HS6ST3: variants seen among roughly 807,000 people sequenced by gnomAD.
The protein encoded by HS6ST3 is heparan-sulfate 6-O-sulfotransferase 3.
A neutral mutation model predicts 36.7 loss-of-function variants in HS6ST3; 12 were observed. The observed-to-expected ratio is 0.33, with a 90% CI of 0.21 to 0.53. HS6ST3 has a LOEUF of 0.53. Ranked by LOEUF, HS6ST3 falls within the 20% of genes least tolerant of loss-of-function variation. The probability of loss-of-function intolerance (pLI) is 0.95; values close to 1 mark genes in which losing one functional copy is unlikely to be tolerated. For missense variants in HS6ST3, 584 were observed against 640.9 expected (o/e 0.91, Z 0.96); for synonymous variants, 240 against 257.5 (o/e 0.93, Z 0.65).
At chr13:96,474,739 C>T (rs374549726) in intron 1 of HS6ST3, among the ~76,000 whole-genome samples, 1 of 152,146 alleles carries the variant, frequency 6.6e-6, no homozygotes, top group East Asian at 1.9e-4. Flanking sequence ...CCCAGGGAGG[C>T]TTGTTCAACT....
chr13:96,760,705 G>A (rs1469495730), intron 1 of HS6ST3, among the ~76,000 whole-genome samples: 1 of 152,030 alleles, frequency 6.6e-6, no homozygotes, highest in Non-Finnish European at 1.5e-5. Context: ...TTGCTAGAAG[G>A]AGAATCATCC....
chr13:96,752,286 G>A (rs1244719989), intron 1 of HS6ST3, among the ~76,000 whole-genome samples: 1 of 151,844 alleles, frequency 6.6e-6, no homozygotes, highest in Non-Finnish European at 1.5e-5. Context: ...AGCATTGCTA[G>A]TACTTGCCGT....
At chr13:96,467,875 C>T (rs974612513) in intron 1 of HS6ST3, among the ~76,000 whole-genome samples, 1 of 151,944 alleles carries the variant, frequency 6.6e-6, no homozygotes. Context: ...CTGTTTATAC[C>T]CAGTACACGT....
chr13:96,680,005 G>T (rs1319856499), intron 1 of HS6ST3, among the ~76,000 whole-genome samples: 1 of 152,096 alleles, frequency 6.6e-6, no homozygotes. Context: ...GAAGGCAAAG[G>T]GGGGAAGTGG....
intron 1 of HS6ST3, among the ~76,000 whole-genome samples, chr13:96,428,006 G>C (rs536057719): frequency 6.6e-6 from 1 of 152,150 alleles, no homozygotes; most frequent in African/African-American, 2.4e-5. Flanking sequence ...GGTACATGAT[G>C]TTGGTATCTG....
At chr13:96,309,058 A>T (rs1457753922) in intron 1 of HS6ST3, among the ~76,000 whole-genome samples, 1 of 152,130 alleles carries the variant, frequency 6.6e-6, no homozygotes, top group East Asian at 1.9e-4. Context: ...TGAATTTGAG[A>T]TCAAATACAC....
intron 1 of HS6ST3, among the ~76,000 whole-genome samples, chr13:96,583,494 G>T (rs2056349912): frequency 6.6e-6 from 1 of 151,658 alleles, no homozygotes; most frequent in Non-Finnish European, 1.5e-5. Flanking sequence ...TTACAGATGT[G>T]AGCACCCGCC....
chr13:96,212,541 C>T (rs1400265993), intron 1 of HS6ST3, among the ~76,000 whole-genome samples: 4 of 152,060 alleles, frequency 2.6e-5, no homozygotes, highest in Non-Finnish European at 5.9e-5. Flanking sequence ...AAATGCATTC[C>T]GGTTTGAAAG....
chr13:96,185,042 T>G (rs11840837), intron 1 of HS6ST3, among the ~76,000 whole-genome samples: 185 of 152,336 alleles, frequency 1.2e-3, no homozygotes, highest in African/African-American at 4.1e-3. Context: ...GAATTCATCA[T>G]GACATTGTAA....
intron 1 of HS6ST3, among the ~76,000 whole-genome samples, chr13:96,759,892 T>C (rs1421458731): frequency 6.6e-6 from 1 of 152,004 alleles, no homozygotes; most frequent in East Asian, 1.9e-4. Context: ...TACTCCTTAT[T>C]CCATAATATA....
intron 1 of HS6ST3, among the ~76,000 whole-genome samples, chr13:96,380,001 A>G (rs566229124): frequency 6.6e-6 from 1 of 152,324 alleles, no homozygotes; most frequent in East Asian, 1.9e-4. Context: ...GAAATCACAT[A>G]GTTTTATAAC....
chr13:96,707,911 C>A (rs1008893151), intron 1 of HS6ST3, among the ~76,000 whole-genome samples: 5 of 152,272 alleles, frequency 3.3e-5, no homozygotes, highest in Admixed American at 1.3e-4. Context: ...AATAGTGAAC[C>A]ACTTCAGGCC....
intron 1 of HS6ST3, among the ~76,000 whole-genome samples, chr13:96,702,288 G>A (rs1271759871): frequency 2.0e-5 from 3 of 152,190 alleles, no homozygotes; most frequent in Non-Finnish European, 4.4e-5. Context: ...CAATCCAAAA[G>A]GAGTCTGCTT....
At chr13:96,400,003 A>G (rs971146643) in intron 1 of HS6ST3, among the ~76,000 whole-genome samples, 1 of 151,824 alleles carries the variant, frequency 6.6e-6, no homozygotes, top group African/African-American at 2.4e-5. Flanking sequence ...TATCATTTTC[A>G]CTTCTAGGTT....
chr13:96,165,345 G>A (rs1199740715), intron 1 of HS6ST3, among the ~76,000 whole-genome samples: 1 of 152,016 alleles, frequency 6.6e-6, no homozygotes, highest in Non-Finnish European at 1.5e-5. Context: ...TTCTCTCTGG[G>A]GGCTTTTGTC....
chr13:96,358,377 T>A (rs1003809642), intron 1 of HS6ST3, among the ~76,000 whole-genome samples: 3 of 152,210 alleles, frequency 2.0e-5, no homozygotes, highest in African/African-American at 7.2e-5. Flanking sequence ...TGGAACAATC[T>A]TGTAGTCTAT....
chr13:96,532,505 A>G (rs2056139662), intron 1 of HS6ST3, among the ~76,000 whole-genome samples: 1 of 152,222 alleles, frequency 6.6e-6, no homozygotes, highest in Non-Finnish European at 1.5e-5. Flanking sequence ...GTGCAAAAGG[A>G]GAATGTTGAT....
At chr13:96,774,636 A>T (rs944652819) in intron 1 of HS6ST3, among the ~76,000 whole-genome samples, 1 of 152,168 alleles carries the variant, frequency 6.6e-6, no homozygotes, top group Admixed American at 6.5e-5. Flanking sequence ...TAGAGAAAAA[A>T]TAATGAAAAG....
intron 1 of HS6ST3, among the ~76,000 whole-genome samples, chr13:96,711,717 G>A (rs1875566608): frequency 6.6e-6 from 1 of 152,144 alleles, no homozygotes; most frequent in South Asian, 2.1e-4. Flanking sequence ...TTCAGGGGCT[G>A]CCTTCCCACA....
Sources: gnomAD v4.1 joint callset for allele counts (sites outside exome capture counted in the v4.1 genomes callset) on GRCh38, gnomAD v4.1.1 for gene constraint, MANE v1.5 for transcripts, NCBI Gene and HGNC (gene_info 2026-07-23, HGNC 2026-07-21) for gene names.